Variants in NDE1 observed in about 807,000 individuals in gnomAD.
NDE1 encodes the protein nudE neurodevelopment protein 1.
NDE1 carries 28 observed loss-of-function variants against 43.4 expected under a neutral mutation model. That is an observed-to-expected ratio of 0.65 (90% CI 0.48 to 0.89). The LOEUF (loss-of-function observed/expected upper bound fraction) is 0.89, where lower values mean the gene tolerates loss of function less well. NDE1 is among the 40% of genes least tolerant of loss of function. The pLI, the probability that NDE1 is intolerant of heterozygous loss-of-function variation, is 0.00. For synonymous variants in NDE1, 184 were observed against 172.0 expected (o/e 1.07, Z -0.55); for missense variants, 441 against 434.1 (o/e 1.02, Z -0.14).
intron 8 of NDE1, chr16:15,719,515 G>T: frequency 6.2e-7 from 1 of 1,607,778 alleles, no homozygotes; most frequent in South Asian, 1.1e-5. Context: ...GGAATGCACA[G>T]ACTGGAGCTG....
At chr16:15,647,977 G>A (rs2036364855), upstream of NDE1, among the ~76,000 whole-genome samples, 1 of 150,324 alleles carries the variant, frequency 6.7e-6, no homozygotes, top group South Asian at 2.1e-4. Context: ...AGGATGCAGT[G>A]AGCTTTGATT....
Position 15,721,352 on chromosome 16 carries a change from T to C in NDE1, c.948-2839T>C, listed in dbSNP as rs1044210791. The stretch of plus-strand genomic sequence containing the variant: ...AAAAAGGCCAGGAGCTAGCCTCGCA[T>C]GGACTGGTGAATAGCACAGAGGGTG... On this transcript the variant is annotated intron_variant, in intron 8 of 8. Coordinates refer to ENST00000396354, the MANE Select transcript of NDE1 (RefSeq NM_017668.3). 8 of 1,525,070 alleles carry C rather than the reference T, an allele frequency of 5.2e-6. No homozygotes were observed. In the Admixed American group the frequency reaches 1.2e-4, roughly 22 times the overall value. 94.5% of individuals were successfully genotyped at this position (1,525,070 alleles called of 1,614,324 possible). A position where few individuals can be genotyped will look rare whatever the true frequency, so the allele number is the denominator to read the frequency against.
At chr16:15,719,479 C>T in intron 8 of NDE1, 1 of 1,573,418 alleles carries the variant, frequency 6.4e-7, no homozygotes, top group Non-Finnish European at 8.7e-7. Flanking sequence ...ACAGGTGGAC[C>T]CCAGAGGAGG....
At chr16:15,708,947 A>T in intron 8 of NDE1, 1 of 1,194,014 alleles carries the variant, frequency 8.4e-7, no homozygotes, top group Non-Finnish European at 1.2e-6. Flanking sequence ...TTAATAATTA[A>T]AGGCACTCTT....
intron 8 of NDE1, chr16:15,721,344 G>C (rs2040469300): frequency 6.7e-7 from 1 of 1,485,338 alleles, no homozygotes; most frequent in African/African-American, 1.4e-5. Flanking sequence ...CCAGGAGCTA[G>C]CCTCGCATGG....
At chr16:15,678,852 G>A (rs1384172377) in intron 4 of NDE1, among the ~76,000 whole-genome samples, 1 of 152,154 alleles carries the variant, frequency 6.6e-6, no homozygotes, top group Non-Finnish European at 1.5e-5. Context: ...CGAGGTGGGC[G>A]GATCACGAGG....
chr16:15,668,852 T>A (rs146912221), intron 3 of NDE1, among the ~76,000 whole-genome samples: 157 of 152,266 alleles, frequency 1.0e-3, no homozygotes, highest in Admixed American at 1.8e-3. Context: ...GGAGCCCGGA[T>A]CATCCTCCGT....
At chr16:15,719,403 G>A (rs1005149356) in intron 8 of NDE1, 1 of 1,495,998 alleles carries the variant, frequency 6.7e-7, no homozygotes, top group Non-Finnish European at 9.2e-7. Context: ...GAAAGTACAT[G>A]TTCTTCCTCT....
Position 15,717,157 on chromosome 16 carries a change from C to G in NDE1, c.948-7034C>G. The G allele has an allele frequency of 1.2e-6, 2 of 1,614,220 alleles. No homozygotes were observed. Among genetic ancestry groups the G allele is most frequent in the Non-Finnish European group, 1.7e-6 (2 of 1,180,042 alleles). On this transcript the variant is annotated intron_variant, in intron 8 of 8. Coordinates refer to ENST00000396354, the MANE Select transcript of NDE1 (RefSeq NM_017668.3). Reference sequence around the variant, plus strand: ...CCGCATACCTGGCCTCCTGCTCGACCTGCTCCTCCAGCTGTGCAATCTTGG... The same window carrying G: ...CCGCATACCTGGCCTCCTGCTCGACGTGCTCCTCCAGCTGTGCAATCTTGG...
chr16:15,700,784 C>T (rs184527525), intron 8 of NDE1, among the ~76,000 whole-genome samples: 53 of 152,146 alleles, frequency 3.5e-4, no homozygotes, highest in African/African-American at 1.3e-3. Context: ...TTTAATGTCC[C>T]AAGTCTCCGT....
At chr16:15,690,133 C>G (rs4780579) in intron 5 of NDE1, among the ~76,000 whole-genome samples, 87,191 of 151,200 alleles carry the variant, frequency 0.58, 25,489 homozygotes, top group Middle Eastern at 0.68. Context: ...CACTGCTTGT[C>G]CCCCAGGCTC....
At chr16:15,656,555 T>C (rs2036777704) in intron 1 of NDE1, among the ~76,000 whole-genome samples, 1 of 151,980 alleles carries the variant, frequency 6.6e-6, no homozygotes. Flanking sequence ...TCTTTTCTTT[T>C]TTTGAGATGG....
At chr16:15,705,752 C>T (rs1288968077) in intron 8 of NDE1, among the ~76,000 whole-genome samples, 1 of 151,870 alleles carries the variant, frequency 6.6e-6, no homozygotes, top group Non-Finnish European at 1.5e-5. Flanking sequence ...GAGGCTGAGG[C>T]GGGCGGATCA....
At chr16:15,646,686 G>A (rs1034809356), upstream of NDE1, among the ~76,000 whole-genome samples, 8 of 152,086 alleles carry the variant, frequency 5.3e-5, no homozygotes, top group South Asian at 2.1e-4. Flanking sequence ...AGCCGAGATC[G>A]CACCACTGCA....
At chr16:15,654,159 A>AT (rs1294511508) in intron 1 of NDE1, among the ~76,000 whole-genome samples, 4 of 152,176 alleles carry the variant, frequency 2.6e-5, no homozygotes, top group African/African-American at 9.7e-5. Flanking sequence ...CTGCTGGGGC[A>AT]TGATGGTGTG....
At chr16:15,718,239 G>GT in intron 8 of NDE1, 1 of 1,599,792 alleles carries the variant, frequency 6.3e-7, no homozygotes, top group East Asian at 2.2e-5. Flanking sequence ...GCCGCCACGC[G>GT]TGTGTTGACT....
At chr16:15,680,940 C>G (rs1231610249) in intron 4 of NDE1, among the ~76,000 whole-genome samples, 2 of 151,852 alleles carry the variant, frequency 1.3e-5, no homozygotes, top group Non-Finnish European at 2.9e-5. Context: ...ATTTTCCATA[C>G]AAATATTTCC....
At position 15,719,226 on chromosome 16, in the gene NDE1, G is replaced by A. The variant is rs756025504; in HGVS notation, c.948-4965G>A. On this transcript the variant is annotated intron_variant, in intron 8 of 8. Coordinates refer to ENST00000396354, the MANE Select transcript of NDE1 (RefSeq NM_017668.3). Reference sequence around the variant, plus strand: ...CCTCCATTCAGTTTCCTACCTTCCCGACAGGCTACTGGCCAGCTCCTCTGC... The same window carrying A: ...CCTCCATTCAGTTTCCTACCTTCCCAACAGGCTACTGGCCAGCTCCTCTGC... The A allele has an allele frequency of 1.2e-5, 20 of 1,613,394 alleles. No individual in the cohort carries two copies. Among genetic ancestry groups the A allele is most frequent in the East Asian group, 6.7e-5 (3 of 44,888 alleles).
intron 8 of NDE1, among the ~76,000 whole-genome samples, chr16:15,709,366 A>C (rs1243779130): frequency 1.3e-5 from 2 of 151,096 alleles, no homozygotes; most frequent in African/African-American, 2.4e-5. Context: ...GATGGAGTGC[A>C]CTGGCATGAT....
Sources: gnomAD v4.1 joint callset for allele counts (sites outside exome capture counted in the v4.1 genomes callset) on GRCh38, gnomAD v4.1.1 for gene constraint, MANE v1.5 for transcripts, NCBI Gene and HGNC (gene_info 2026-07-23, HGNC 2026-07-21) for gene names.